The following HEMK2 variants were observed in gnomAD, a reference collection of about 807,000 sequenced individuals.
HEMK2 encodes the protein HemK methyltransferase 2, ETF1 glutamine and histone H4 lysine, also known as methyltransferase HEMK2.
At chr21:28,877,297 G>GAAGGAAGGAAGGAAGGAAGGAAGA in the HEMK2 span, among the ~76,000 whole-genome samples, 5 of 126,460 alleles carry the variant, frequency 4.0e-5, no homozygotes, top group African/African-American at 9.4e-5. Context: ...AGGAAGGAAG[G>GAAGGAAGGAAGGAAGGAAGGAAGA]AAGAGAGAGA....
At chr21:28,595,740 G>A in the HEMK2 span, among the ~76,000 whole-genome samples, 2 of 151,374 alleles carry the variant, frequency 1.3e-5, no homozygotes, top group South Asian at 4.2e-4. Context: ...TTAGTTTTTT[G>A]AGAAACCTCC....
chr21:28,777,683 A>G, the HEMK2 span, among the ~76,000 whole-genome samples: 1 of 152,190 alleles, frequency 6.6e-6, no homozygotes, highest in Non-Finnish European at 1.5e-5. Flanking sequence ...AGAGGAGGAG[A>G]TCTGGTCACA....
At chr21:28,819,942 T>C in the HEMK2 span, among the ~76,000 whole-genome samples, 1 of 152,198 alleles carries the variant, frequency 6.6e-6, no homozygotes, top group Non-Finnish European at 1.5e-5. Flanking sequence ...TTTTAACCAA[T>C]GAGTTCTTAT....
chr21:28,799,662 C>G, the HEMK2 span, among the ~76,000 whole-genome samples: 1 of 152,172 alleles, frequency 6.6e-6, no homozygotes, highest in African/African-American at 2.4e-5. Flanking sequence ...ATTCTAAACC[C>G]TCTGAAGGAT....
At chr21:28,664,371 A>G in the HEMK2 span, among the ~76,000 whole-genome samples, 1 of 152,180 alleles carries the variant, frequency 6.6e-6, no homozygotes, top group Non-Finnish European at 1.5e-5. Flanking sequence ...TGGGTATCTT[A>G]CTTGCTCTTA....
the HEMK2 span, among the ~76,000 whole-genome samples, chr21:28,687,725 C>T: frequency 6.6e-6 from 1 of 152,080 alleles, no homozygotes; most frequent in Non-Finnish European, 1.5e-5. Flanking sequence ...TGCATGTCAA[C>T]TCATGTAAAA....
chr21:28,879,887 C>G, the HEMK2 span: 460 of 1,588,518 alleles, frequency 2.9e-4, no homozygotes, highest in Non-Finnish European at 3.7e-4. Context: ...GGTGGAGTCA[C>G]TACATAGGGG....
chr21:28,762,113 G>C, the HEMK2 span, among the ~76,000 whole-genome samples: 1 of 152,122 alleles, frequency 6.6e-6, no homozygotes, highest in African/African-American at 2.4e-5. Flanking sequence ...GTTGCCCTCA[G>C]ATTGCTGACA....
chr21:28,767,325 C>T, the HEMK2 span, among the ~76,000 whole-genome samples: 220 of 151,180 alleles, frequency 1.5e-3, no homozygotes, highest in African/African-American at 5.1e-3. Flanking sequence ...GACTAATACA[C>T]CATGTAACCA....
At chr21:28,723,431 C>T in the HEMK2 span, among the ~76,000 whole-genome samples, 4 of 152,270 alleles carry the variant, frequency 2.6e-5, no homozygotes, top group South Asian at 6.2e-4. Flanking sequence ...GTTGCTGAAC[C>T]GCATCACCAG....
chr21:28,707,210 A>G, the HEMK2 span, among the ~76,000 whole-genome samples: 2 of 152,126 alleles, frequency 1.3e-5, no homozygotes, highest in African/African-American at 2.4e-5. Context: ...ATGAAAATTT[A>G]CTATATTTTC....
the HEMK2 span, among the ~76,000 whole-genome samples, chr21:28,760,321 G>C: frequency 1.3e-5 from 2 of 152,174 alleles, no homozygotes. Flanking sequence ...TCACTTTCTA[G>C]ATTCAACAAA....
At chr21:28,645,371 C>T in the HEMK2 span, among the ~76,000 whole-genome samples, 1 of 152,130 alleles carries the variant, frequency 6.6e-6, no homozygotes, top group East Asian at 1.9e-4. Flanking sequence ...TCACTGTCAG[C>T]TTTTGTCCAA....
chr21:28,775,370 C>T, the HEMK2 span, among the ~76,000 whole-genome samples: 289 of 152,222 alleles, frequency 1.9e-3, 1 homozygote, highest in African/African-American at 4.2e-3. Flanking sequence ...GCCTGCAGAA[C>T]ATTCAGGAAA....
chr21:28,831,634 G>GGAAAGAAAGAAAGAAA, the HEMK2 span, among the ~76,000 whole-genome samples: 9 of 36,466 alleles, frequency 2.5e-4, 1 homozygote, highest in Admixed American at 3.0e-4. Flanking sequence ...AAAGAAGGAA[G>GGAAAGAAAGAAAGAAA]GAAAGAAAGA....
chr21:28,608,877 C>T, the HEMK2 span, among the ~76,000 whole-genome samples: 7 of 152,206 alleles, frequency 4.6e-5, no homozygotes, highest in East Asian at 7.7e-4. Flanking sequence ...AGAACCACAC[C>T]CCCATCCCTC....
At chr21:28,767,974 CCAA>C in the HEMK2 span, among the ~76,000 whole-genome samples, 1 of 151,958 alleles carries the variant, frequency 6.6e-6, no homozygotes, top group African/African-American at 2.4e-5. Context: ...GTTTCAGCCT[CCAA>C]CGTGATTGTT....
the HEMK2 span, among the ~76,000 whole-genome samples, chr21:28,613,155 T>C: frequency 6.6e-6 from 1 of 151,982 alleles, no homozygotes; most frequent in Non-Finnish European, 1.5e-5. Context: ...TAAATATATA[T>C]ATATATTATA....
At chr21:28,827,362 T>G in the HEMK2 span, among the ~76,000 whole-genome samples, 1 of 152,220 alleles carries the variant, frequency 6.6e-6, no homozygotes, top group East Asian at 1.9e-4. Context: ...CTCAGAAGCT[T>G]CTTCTTTGAG....
Sources: gnomAD v4.1 joint callset for allele counts (sites outside exome capture counted in the v4.1 genomes callset) on GRCh38, gnomAD v4.1.1 for gene constraint, MANE v1.5 for transcripts, NCBI Gene and HGNC (gene_info 2026-07-23, HGNC 2026-07-21) for gene names.